Variants in CALN1 observed in about 807,000 individuals in gnomAD.
The protein encoded by CALN1 is calcium-binding protein 8.
A neutral mutation model predicts 30.6 loss-of-function variants in CALN1; 17 were observed. The observed-to-expected ratio is 0.56, with a 90% CI of 0.38 to 0.83. CALN1 has a LOEUF of 0.83. Ranked by LOEUF, CALN1 falls within the 40% of genes least tolerant of loss-of-function variation. CALN1 has a pLI of 0.00. For missense variants in CALN1, 291 were observed against 354.9 expected (o/e 0.82, Z 1.45); for synonymous variants, 156 against 131.4 (o/e 1.19, Z -1.28).
chr7:72,067,627 A>G (rs971635639), intron 4 of CALN1, among the ~76,000 whole-genome samples: 1 of 152,222 alleles, frequency 6.6e-6, no homozygotes, highest in Non-Finnish European at 1.5e-5. Flanking sequence ...AAAATTTAAA[A>G]AAATCAGCTA....
intron 3 of CALN1, among the ~76,000 whole-genome samples, chr7:72,222,698 C>T (rs138756516): frequency 3.0e-4 from 46 of 152,152 alleles, no homozygotes; most frequent in African/African-American, 1.1e-3. Context: ...CAATCAGAGA[C>T]CCCCGTGGCC....
At chr7:71,902,879 G>C (rs760659239) in intron 5 of CALN1, among the ~76,000 whole-genome samples, 30 of 151,928 alleles carry the variant, frequency 2.0e-4, no homozygotes, top group Non-Finnish European at 3.8e-4. Flanking sequence ...AAATAACTCA[G>C]AAAGTCAAAT....
rs894968957 is a variant in CALN1 at position 72,373,619 on chromosome 7, G to C, written c.119+29632C>G. ...TATAAGTTTTCTGAAGATATTTTAG[G>C]TAAACTAGGCTAAGTTATGATGTTT... On this transcript the variant is annotated intron_variant, in intron 2 of 6. Coordinates refer to ENST00000395275, the MANE Select transcript of CALN1 (RefSeq NM_031468.4). Among the ~76,000 whole-genome samples the C allele has an allele frequency of 9.9e-5, 15 of 152,220 alleles. No individual in the cohort carries two copies. The East Asian group carries it at 2.3e-3, about 23-fold the overall frequency.
chr7:72,379,704 T>A (rs1001962827), intron 2 of CALN1, among the ~76,000 whole-genome samples: 3 of 152,236 alleles, frequency 2.0e-5, no homozygotes, highest in Non-Finnish European at 1.5e-5. Flanking sequence ...CTTGAAAGCA[T>A]TCCTTATTTA....
intron 3 of CALN1, among the ~76,000 whole-genome samples, chr7:72,196,539 A>G (rs1415244838): frequency 6.6e-6 from 1 of 152,208 alleles, no homozygotes; most frequent in African/African-American, 2.4e-5. Flanking sequence ...ATTGTATAGT[A>G]TGTGAACAGC....
intron 5 of CALN1, among the ~76,000 whole-genome samples, chr7:71,908,409 G>A (rs183862379): frequency 5.8e-4 from 89 of 152,248 alleles, no homozygotes; most frequent in African/African-American, 2.0e-3. Context: ...CTTTCAATGC[G>A]AAGTGAAGAC....
intron 2 of CALN1, among the ~76,000 whole-genome samples, chr7:72,284,263 C>G (rs139799834): frequency 1.3e-5 from 2 of 152,088 alleles, no homozygotes; most frequent in African/African-American, 4.8e-5. Flanking sequence ...CCACTGCCCT[C>G]CAGCCTGGGC....
intron 3 of CALN1, among the ~76,000 whole-genome samples, chr7:72,150,782 C>T (rs972658829): frequency 1.3e-5 from 2 of 152,058 alleles, no homozygotes; most frequent in African/African-American, 4.8e-5. Context: ...TAACATCAAT[C>T]GTGTAAGTTT....
At chr7:72,313,312 C>G (rs988036010) in intron 2 of CALN1, among the ~76,000 whole-genome samples, 3 of 151,522 alleles carry the variant, frequency 2.0e-5, no homozygotes, top group African/African-American at 4.9e-5. Context: ...TTGGGAAAAT[C>G]GAAAAAACAT....
the CALN1 span, among the ~76,000 whole-genome samples, chr7:72,488,212 T>C: frequency 6.6e-6 from 1 of 150,894 alleles, no homozygotes; most frequent in African/African-American, 2.4e-5. Flanking sequence ...CAAAAAAAAA[T>C]TTTTTTTAAT....
intron 2 of CALN1, chr7:72,336,760 G>C (rs1016968661): frequency 3.0e-6 from 3 of 985,254 alleles, no homozygotes; most frequent in Non-Finnish European, 3.6e-6. Flanking sequence ...GCACAGCGCG[G>C]GGGGCTTCCT....
intron 5 of CALN1, among the ~76,000 whole-genome samples, chr7:71,864,955 A>G (rs1400917880): frequency 1.3e-5 from 2 of 152,122 alleles, no homozygotes; most frequent in Non-Finnish European, 2.9e-5. Context: ...GTGAGCCAAG[A>G]TCACGCCACT....
At chr7:71,790,377 AAAG>A (rs879491176) in intron 6 of CALN1, among the ~76,000 whole-genome samples, 913 of 43,264 alleles carry the variant, frequency 0.021, 4 homozygotes, top group Non-Finnish European at 0.031. Flanking sequence ...GAAAAGAAAG[AAAG>A]AAAGAAAGAA....
At chr7:72,503,854 C>T in the CALN1 span, among the ~76,000 whole-genome samples, 3 of 152,148 alleles carry the variant, frequency 2.0e-5, no homozygotes, top group African/African-American at 7.2e-5. Context: ...AATGCTAATG[C>T]TTACCCTACA....
intron 5 of CALN1, among the ~76,000 whole-genome samples, chr7:71,964,130 C>T (rs1797408507): frequency 6.6e-6 from 1 of 152,200 alleles, no homozygotes; most frequent in South Asian, 2.1e-4. Context: ...TATACTTTGG[C>T]TTACGCATTC....
At chr7:72,112,180 A>G (rs1807627113) in intron 3 of CALN1, among the ~76,000 whole-genome samples, 1 of 152,200 alleles carries the variant, frequency 6.6e-6, no homozygotes, top group African/African-American at 2.4e-5. Flanking sequence ...CAGCTATCGC[A>G]GGGAGGAGAC....
At chr7:72,043,067 C>T (rs897968295) in intron 4 of CALN1, among the ~76,000 whole-genome samples, 5 of 152,250 alleles carry the variant, frequency 3.3e-5, no homozygotes, top group African/African-American at 1.2e-4. Context: ...GTTCAGAGGC[C>T]CTAATATAGA....
chr7:71,960,860 C>T (rs775445518), intron 5 of CALN1, among the ~76,000 whole-genome samples: 1 of 152,092 alleles, frequency 6.6e-6, no homozygotes, highest in Non-Finnish European at 1.5e-5. Context: ...CTCTGTTGCC[C>T]AGGTGGAGTG....
intron 3 of CALN1, among the ~76,000 whole-genome samples, chr7:72,125,936 A>AT (rs1254787413): frequency 6.6e-6 from 1 of 150,944 alleles, no homozygotes; most frequent in Non-Finnish European, 1.5e-5. Flanking sequence ...CCAAGTAGGG[A>AT]TTATAGGCGC....
Sources: gnomAD v4.1 joint callset for allele counts (sites outside exome capture counted in the v4.1 genomes callset) on GRCh38, gnomAD v4.1.1 for gene constraint, MANE v1.5 for transcripts, NCBI Gene and HGNC (gene_info 2026-07-23, HGNC 2026-07-21) for gene names.